Variants in PCDH9 observed in about 807,000 individuals in gnomAD.
PCDH9 encodes protocadherin 9.
A neutral mutation model predicts 70.6 loss-of-function variants in PCDH9; 24 were observed. The observed-to-expected ratio is 0.34, with a 90% CI of 0.25 to 0.48. The LOEUF (loss-of-function observed/expected upper bound fraction) is 0.48. PCDH9 is among the 20% of genes least tolerant of loss of function. The pLI, the probability that PCDH9 is intolerant of heterozygous loss-of-function variation, is 0.99. For missense variants in PCDH9, 1,281 were observed against 1,503.6 expected (o/e 0.85, Z 2.45); for synonymous variants, 562 against 558.5 (o/e 1.01, Z -0.09).
intron 4 of PCDH9, among the ~76,000 whole-genome samples, chr13:66,456,241 T>C (rs972881918): frequency 6.6e-6 from 1 of 152,178 alleles, no homozygotes; most frequent in African/African-American, 2.4e-5. Flanking sequence ...GATAAATTTA[T>C]AACTTGAATT....
At chr13:66,999,697 G>A (rs1445913235) in intron 2 of PCDH9, among the ~76,000 whole-genome samples, 1 of 151,788 alleles carries the variant, frequency 6.6e-6, no homozygotes, top group Non-Finnish European at 1.5e-5. Context: ...CTTCTCAAAA[G>A]AAGACATTTA....
intron 2 of PCDH9, among the ~76,000 whole-genome samples, chr13:67,140,028 C>A (rs1256503757): frequency 1.4e-4 from 8 of 57,192 alleles, no homozygotes; most frequent in African/African-American, 3.8e-4. Context: ...TTTGATCACC[C>A]CCCCCCCCCC....
intron 3 of PCDH9, among the ~76,000 whole-genome samples, chr13:66,682,622 T>G (rs1228393392): frequency 2.6e-5 from 4 of 152,130 alleles, no homozygotes; most frequent in African/African-American, 4.8e-5. Flanking sequence ...TTACTGAGAG[T>G]TAAAAAAACA....
chr13:66,534,729 T>C (rs939663246), intron 4 of PCDH9, among the ~76,000 whole-genome samples: 2 of 152,138 alleles, frequency 1.3e-5, no homozygotes, highest in Non-Finnish European at 2.9e-5. Flanking sequence ...CACATTCTTA[T>C]AAGAACTATG....
At chr13:67,130,416 C>T (rs192335944) in intron 2 of PCDH9, among the ~76,000 whole-genome samples, 1 of 151,806 alleles carries the variant, frequency 6.6e-6, no homozygotes, top group African/African-American at 2.4e-5. Flanking sequence ...ATGAATTATC[C>T]AAACTTAATA....
At chr13:66,717,230 C>CG (rs1476215683) in intron 3 of PCDH9, among the ~76,000 whole-genome samples, 3 of 151,352 alleles carry the variant, frequency 2.0e-5, no homozygotes, top group Admixed American at 1.3e-4. Context: ...CCGAGGCGAG[C>CG]GGATCACCTG....
chr13:66,704,655 T>C (rs1275223151), intron 3 of PCDH9, among the ~76,000 whole-genome samples: 10 of 151,990 alleles, frequency 6.6e-5, no homozygotes, highest in African/African-American at 2.2e-4. Flanking sequence ...ACAATGGAAA[T>C]GGTGTCAGGA....
At chr13:66,662,199 G>A (rs529787932) in intron 3 of PCDH9, among the ~76,000 whole-genome samples, 9 of 152,042 alleles carry the variant, frequency 5.9e-5, no homozygotes, top group Admixed American at 1.3e-4. Flanking sequence ...AAGGCCGGGC[G>A]TGGTGGCTCA....
intron 4 of PCDH9, among the ~76,000 whole-genome samples, chr13:66,576,705 A>G (rs1458838557): frequency 3.9e-5 from 6 of 152,062 alleles, no homozygotes; most frequent in Non-Finnish European, 8.8e-5. Context: ...AGGGACATCA[A>G]TTATTTTGCC....
At chr13:66,811,986 A>G (rs112722531) in intron 3 of PCDH9, among the ~76,000 whole-genome samples, 2,031 of 152,194 alleles carry the variant, frequency 0.013, 35 homozygotes, top group African/African-American at 0.046. Context: ...GAAGTTGTTT[A>G]GTGGTGATTT....
At chr13:67,146,463 CCAAA>C (rs2087525673) in intron 2 of PCDH9, among the ~76,000 whole-genome samples, 3 of 152,202 alleles carry the variant, frequency 2.0e-5, no homozygotes, top group African/African-American at 7.2e-5. Flanking sequence ...ATAAACCAAA[CCAAA>C]CAAACACAAC....
intron 3 of PCDH9, among the ~76,000 whole-genome samples, chr13:66,747,799 CATT>C: frequency 6.6e-6 from 1 of 152,078 alleles, no homozygotes; most frequent in Non-Finnish European, 1.5e-5. Context: ...ATAATCTCCA[CATT>C]ATTATGGAAG....
intron 3 of PCDH9, among the ~76,000 whole-genome samples, chr13:66,815,228 T>C (rs763611625): frequency 1.1e-4 from 17 of 152,102 alleles, no homozygotes; most frequent in Admixed American, 1.3e-4. Flanking sequence ...TGAGATACCA[T>C]CTCGCACCAG....
intron 2 of PCDH9, among the ~76,000 whole-genome samples, chr13:66,961,483 A>T (rs1204170570): frequency 6.6e-6 from 1 of 152,216 alleles, no homozygotes; most frequent in Non-Finnish European, 1.5e-5. Context: ...AAATTTAAGA[A>T]ATATTGAAAT....
chr13:66,384,548 A>C (rs773086513), intron 4 of PCDH9, among the ~76,000 whole-genome samples: 4 of 152,154 alleles, frequency 2.6e-5, no homozygotes, highest in Non-Finnish European at 4.4e-5. Flanking sequence ...AAGAGCACCA[A>C]AAATCTATTT....
rs368136761 is a variant in PCDH9 at position 67,150,108 on chromosome 13, C to T, written c.3036+75297G>A. Among the ~76,000 whole-genome samples, 12 of 152,120 alleles carry T rather than the reference C, an allele frequency of 7.9e-5. No homozygotes were observed. In the South Asian group the frequency reaches 8.3e-4, roughly 11 times the overall value. On this transcript the variant is annotated intron_variant, in intron 2 of 4. Transcript: ENST00000377865. Reference sequence around the variant, plus strand: ...TCACTCAGGCTGACGTGCAGTGCTCCGTGCAACATCTGCCTCCCAGGTTCA... The same window carrying T: ...TCACTCAGGCTGACGTGCAGTGCTCTGTGCAACATCTGCCTCCCAGGTTCA...
At chr13:66,983,256 A>C (rs1226423367) in intron 2 of PCDH9, among the ~76,000 whole-genome samples, 1 of 152,178 alleles carries the variant, frequency 6.6e-6, no homozygotes, top group Non-Finnish European at 1.5e-5. Flanking sequence ...AAAATGAATA[A>C]AAATAATAAA....
chr13:66,706,801 G>C (rs1049665102), intron 3 of PCDH9, among the ~76,000 whole-genome samples: 1 of 152,154 alleles, frequency 6.6e-6, no homozygotes, highest in Non-Finnish European at 1.5e-5. Context: ...GTCAGGGCAA[G>C]GAGTAAAAAG....
intron 3 of PCDH9, among the ~76,000 whole-genome samples, chr13:66,653,985 A>AAAAAAGAAG (rs576503175): frequency 6.7e-6 from 1 of 150,310 alleles, no homozygotes; most frequent in African/African-American, 2.4e-5. Context: ...AAAAAAAAAA[A>AAAAAAGAAG]ATAGAAAGAA....
Sources: allele counts gnomAD v4.1 joint callset (sites outside exome capture counted in the v4.1 genomes callset), GRCh38; gene constraint gnomAD v4.1.1; transcripts MANE v1.5; gene names NCBI Gene and HGNC (gene_info 2026-07-23, HGNC 2026-07-21).